Variants in ZRANB1 observed in about 807,000 individuals in gnomAD.
ZRANB1 encodes zinc finger RANBP2-type containing 1.
In ZRANB1, 16 loss-of-function variants were observed where a neutral mutation model predicts 80.5. The ratio of observed to expected loss-of-function variants is 0.20; its 90% confidence interval spans 0.13 to 0.30. The LOEUF is 0.30. Ranked by LOEUF, ZRANB1 falls within the 10% of genes least tolerant of loss-of-function variation. The pLI is 1.00. For missense variants in ZRANB1, 576 were observed against 862.6 expected (o/e 0.67, Z 4.16); for synonymous variants, 291 against 293.1 (o/e 0.99, Z 0.07).
intron 1 of ZRANB1, among the ~76,000 whole-genome samples, chr10:124,954,670 A>T (rs1589844521): frequency 6.8e-6 from 1 of 148,008 alleles, no homozygotes; most frequent in East Asian, 2.1e-4. Flanking sequence ...CTGGTCTCGA[A>T]CTCCTGACCT....
chr10:124,956,691 C>T lies in ZRANB1; in HGVS notation c.815-9903C>T, dbSNP rs990099098. Reference sequence around the variant, plus strand: ...TTCACCATGTTGGCTAGGCTGGTCTCGAACTCCTGACCTCAAGTGATCCAC... The same window carrying T: ...TTCACCATGTTGGCTAGGCTGGTCTTGAACTCCTGACCTCAAGTGATCCAC... On this transcript the variant is annotated intron_variant, in intron 1 of 8. Transcript: ENST00000359653. Among the ~76,000 whole-genome samples the T allele has an allele frequency of 9.2e-5, 14 of 152,224 alleles. No individual in the cohort carries two copies. In the Middle Eastern group the frequency reaches 0.01, roughly 111 times the overall value.
chr10:124,941,337 T>A (rs1951534852), upstream of ZRANB1, among the ~76,000 whole-genome samples: 1 of 152,122 alleles, frequency 6.6e-6, no homozygotes, highest in Admixed American at 6.6e-5. Context: ...AGTGTGAATA[T>A]CTTTTAAATA....
chr10:124,925,264 AC>A, the ZRANB1 span, among the ~76,000 whole-genome samples: 1 of 149,908 alleles, frequency 6.7e-6, no homozygotes, highest in African/African-American at 2.4e-5. Flanking sequence ...CCTAATCAAC[AC>A]TTGTTATTGT....
At chr10:124,963,556 T>G (rs1313785647) in intron 1 of ZRANB1, among the ~76,000 whole-genome samples, 12 of 98,278 alleles carry the variant, frequency 1.2e-4, no homozygotes, top group South Asian at 2.8e-4. Context: ...TTTTGTTTGT[T>G]TTTTTTTTTT....
chr10:124,973,189 A>G (rs908167370), intron 3 of ZRANB1, among the ~76,000 whole-genome samples: 12 of 152,148 alleles, frequency 7.9e-5, no homozygotes, highest in Non-Finnish European at 1.3e-4. Flanking sequence ...GTCTTACTCT[A>G]TCGCCTAGGC....
At chr10:124,979,849 G>C (rs575525660) in intron 5 of ZRANB1, among the ~76,000 whole-genome samples, 1 of 152,214 alleles carries the variant, frequency 6.6e-6, no homozygotes, top group Admixed American at 6.5e-5. Context: ...TTTGTTTCTG[G>C]ACTCTTAATA....
Position 124,983,377 on chromosome 10 carries a change from G to C in ZRANB1, c.1678+73G>C. The C allele has an allele frequency of 6.3e-7, 1 of 1,596,870 alleles. No individual in the cohort carries two copies. Among genetic ancestry groups the C allele is most frequent in the Non-Finnish European group, 8.6e-7 (1 of 1,169,368 alleles). On this transcript the variant is annotated intron_variant, in intron 7 of 8. Transcript: ENST00000359653. The surrounding 1 kb of genome is among the most constrained non-coding windows in gnomAD (Gnocchi z 6.2). ...GCTCAGATGTCAGGAAGGAGCAGTG[G>C]ACAGGGGAATGTGAACAAGGGCAGT...
chr10:124,925,578 A>G, the ZRANB1 span, among the ~76,000 whole-genome samples: 17 of 152,342 alleles, frequency 1.1e-4, no homozygotes, highest in Non-Finnish European at 2.1e-4. Flanking sequence ...TTTGAAGCAC[A>G]AAAGTTTTTA....
the ZRANB1 span, among the ~76,000 whole-genome samples, chr10:124,917,890 T>G: frequency 6.6e-6 from 1 of 152,136 alleles, no homozygotes; most frequent in Non-Finnish European, 1.5e-5. Context: ...TATGGTTTGG[T>G]GCGGGTCATT....
At position 124,942,373 on chromosome 10, in the gene ZRANB1, A is replaced by G. The variant is rs1306599537; in HGVS notation, c.-121A>G. The G allele has an allele frequency of 1.4e-6, 2 of 1,472,392 alleles. No individual in the cohort carries two copies. Among genetic ancestry groups the G allele is most frequent in the Non-Finnish European group, 1.8e-6 (2 of 1,116,230 alleles). 91.2% of individuals were successfully genotyped at this position (1,472,392 alleles called of 1,614,324 possible). A position where few individuals can be genotyped will look rare whatever the true frequency, so the allele number is the denominator to read the frequency against. ...ATCTTTTGAGAAATTTATATTTTGT[A>G]GGTTGAAGGACTTGCTTTTTGGGCA... On this transcript the variant is annotated 5_prime_UTR_variant, in exon 1 of 9. Transcript: ENST00000359653.
At chr10:124,962,963 G>A (rs1037601005) in intron 1 of ZRANB1, among the ~76,000 whole-genome samples, 7 of 152,180 alleles carry the variant, frequency 4.6e-5, no homozygotes, top group Admixed American at 4.6e-4. Context: ...TTCAAAAAAA[G>A]TACTAAGAGA....
rs772873796 is a variant in ZRANB1, at chr10:124,986,188, A to G, written c.*1196A>G. 3.3e-5 allele frequency: 5 copies of G among 152,482 alleles called. No homozygotes were observed. Among genetic ancestry groups the G allele is most frequent in the Non-Finnish European group, 7.4e-5 (5 of 68,024 alleles). The allele number at this position is 152,482 out of a possible 1,614,324, so 9.4% of individuals were successfully genotyped here. On this transcript the variant is annotated 3_prime_UTR_variant, in exon 9 of 9. Coordinates refer to ENST00000359653, the MANE Select transcript of ZRANB1 (RefSeq NM_017580.3). ...ATTCAATACTGGGTAAAAATTTCAG[A>G]CCTATCTCAGGAACACAGAAATATT...
chr10:124,925,189 C>T, the ZRANB1 span, among the ~76,000 whole-genome samples: 5 of 152,140 alleles, frequency 3.3e-5, no homozygotes, highest in African/African-American at 1.2e-4. Context: ...GGATTACAGG[C>T]GTGAGCCACT....
chr10:124,917,544 C>G, the ZRANB1 span, among the ~76,000 whole-genome samples: 11 of 152,018 alleles, frequency 7.2e-5, no homozygotes, highest in African/African-American at 2.7e-4. Flanking sequence ...GACGCGGTGC[C>G]GGTCCCACCG....
At position 124,984,980 on chromosome 10, in the gene ZRANB1, T is replaced by A. The variant is rs537740354; in HGVS notation, c.2115T>A (p.Asp705Glu). Residue 705 changes from aspartate (D) to glutamate (E), a missense_variant, in exon 9 of 9, where the codon GAT becomes GAA. This residue lies in a region of ZRANB1 where 152 missense variants were observed against 221.9 expected (regional missense o/e 0.69). Coordinates refer to ENST00000359653, the MANE Select transcript of ZRANB1 (RefSeq NM_017580.3). Reference sequence around the variant, plus strand: ...CTGATGGAGAGGAAGATGAGGATGATGAAGATGAATGAAAAAAAAAATCAA... The same window carrying A: ...CTGATGGAGAGGAAGATGAGGATGAAGAAGATGAATGAAAAAAAAAATCAA... ...SLSDGEEDED[D>E]EDE 59 of 1,607,116 alleles carry A rather than the reference T, an allele frequency of 3.7e-5. No homozygotes were observed. The highest frequency in any genetic ancestry group is 2.6e-4 in the Admixed American group (15 of 58,804).
chr10:124,946,969 G>A (rs1377537511), intron 1 of ZRANB1, among the ~76,000 whole-genome samples: 3 of 152,170 alleles, frequency 2.0e-5, no homozygotes, highest in Admixed American at 2.0e-4. Flanking sequence ...TAAAATGTGA[G>A]ACTTTTCCAT....
the ZRANB1 span, among the ~76,000 whole-genome samples, chr10:124,932,562 A>G: frequency 2.0e-5 from 3 of 151,854 alleles, no homozygotes; most frequent in Non-Finnish European, 4.4e-5. Context: ...GAGTGCTGGG[A>G]TTACAGGTAT....
chr10:124,986,996 C>T lies in ZRANB1; in HGVS notation c.*2004C>T. 1 of 151,664 alleles carries T rather than the reference C, an allele frequency of 6.6e-6. No homozygotes were observed. Among genetic ancestry groups the T allele is most frequent in the Admixed American group, 6.7e-5 (1 of 14,986 alleles). 9.4% of individuals were successfully genotyped at this position (151,664 alleles called of 1,614,324 possible). On this transcript the variant is annotated 3_prime_UTR_variant, in exon 9 of 9. Transcript: ENST00000359653. ...TATTTATTTATTATCAATCAGTGAC[C>T]CTGACCACATAGTGTGATAGGTGCA...
At chr10:124,978,061 G>A (rs1375886129) in intron 5 of ZRANB1, among the ~76,000 whole-genome samples, 2 of 152,150 alleles carry the variant, frequency 1.3e-5, no homozygotes, top group Admixed American at 6.5e-5. Flanking sequence ...TTACAGTATT[G>A]GGGGGTGGGT....
Sources: gnomAD v4.1 joint callset for allele counts (sites outside exome capture counted in the v4.1 genomes callset) on GRCh38, gnomAD v4.1.1 for gene constraint, gnomAD v4.1.1 regional missense constraint, Gnocchi (gnomAD v3.1) non-coding constraint, MANE v1.5 for transcripts, NCBI Gene and HGNC (gene_info 2026-07-23, HGNC 2026-07-21) for gene names.